Variants in NOTCH3 observed in about 807,000 individuals in gnomAD.
NOTCH3 encodes the protein notch receptor 3.
In NOTCH3, 86 loss-of-function variants were observed where a neutral mutation model predicts 213.3. The ratio of observed to expected loss-of-function variants is 0.40; its 90% CI spans 0.34 to 0.48. The LOEUF (loss-of-function observed/expected upper bound fraction) is 0.48. Ranked by LOEUF, NOTCH3 falls within the 20% of genes least tolerant of loss-of-function variation. NOTCH3 has a pLI of 0.57. For synonymous variants in NOTCH3, 1,354 were observed against 1,355.9 expected, an observed-to-expected ratio of 1.00 and a Z score of 0.03; for missense variants, 2,783 against 3,272.6, an observed-to-expected ratio of 0.85 and a Z score of 3.65.
chr19:15,192,320 G>A (rs2145442733), intron 3 of NOTCH3, 22 bp from the exon 4 acceptor site: 2 of 1,611,758 alleles, frequency 1.2e-6, no homozygotes, highest in South Asian at 1.1e-5. Context: ...AGGACAGGGT[G>A]AGTTTAGGAC....
rs369086257 is a variant in NOTCH3, at chr19:15,179,197, G to C, written c.3546C>G (p.Cys1182Trp). Residue 1182 changes from cysteine (C) to tryptophan (W), a missense_variant, in exon 22 of 33, where the codon TGC (cysteine) becomes TGG (tryptophan). By Grantham distance (215) the Cys-to-Trp change is radical. Coordinates refer to ENST00000263388, the MANE Select transcript of NOTCH3 (RefSeq NM_000435.3). The stretch of plus-strand genomic sequence containing the variant: ...AGCGGAAACCACCCACCAGGTCCAC[G>C]CAGGTGCCATTGTGTAGGCACCGGG... Reference protein sequence around the residue: ...SGPRCLHNGTCVDLVGGFRCT... With the variant: ...SGPRCLHNGTWVDLVGGFRCT... 6.2e-7 allele frequency: 1 copy of C among 1,614,078 alleles called. No homozygotes were observed. Among genetic ancestry groups the C allele is most frequent in the Non-Finnish European group, 8.5e-7 (1 of 1,180,006 alleles).
chr19:15,199,795 C>G (rs906590231), intron 1 of NOTCH3, among the ~76,000 whole-genome samples: 4 of 152,078 alleles, frequency 2.6e-5, no homozygotes, highest in African/African-American at 7.2e-5. Context: ...CGTTCACTCC[C>G]GAAACCCCCA....
chr19:15,166,429 G>T (rs995890647), intron 29 of NOTCH3, among the ~76,000 whole-genome samples: 1 of 152,082 alleles, frequency 6.6e-6, no homozygotes, highest in African/African-American at 2.4e-5. Context: ...TCAAGGCAAA[G>T]AAACCATCCC....
rs2046679645 is a variant in NOTCH3, at chr19:15,165,639, G to A, written c.5668-124C>T. On this transcript the variant is annotated intron_variant, in intron 30 of 32. Transcript: ENST00000263388. The surrounding 1 kb of genome is among the most constrained non-coding windows in gnomAD (Gnocchi z 4.7). ...ACCCCTGAAATTGGTGAGGTTCAGG[G>A]AGCAGCTGCTTGACAGATACTGTAT... 4 of 1,301,850 alleles carry A rather than the reference G, an allele frequency of 3.1e-6. No homozygotes were observed. The highest frequency in any genetic ancestry group is 4.3e-6 in the Non-Finnish European group (4 of 936,592). 80.6% of individuals were successfully genotyped at this position (1,301,850 alleles called of 1,614,324 possible).
chr19:15,197,435 C>A (rs368555468), intron 2 of NOTCH3, 65 bp downstream of exon 2: 4 of 1,105,282 alleles, frequency 3.6e-6, no homozygotes, highest in Admixed American at 1.9e-5. Context: ...AGGGAGAAGA[C>A]AAATCGCCCC....
intron 29 of NOTCH3, 27 bp from the exon 30 acceptor site, chr19:15,166,118 G>A (rs775060391): frequency 1.3e-5 from 21 of 1,599,620 alleles, no homozygotes; most frequent in African/African-American, 4.0e-5. Flanking sequence ...GTGTCAGCAG[G>A]AAGGTAAACA....
At position 15,187,879 on chromosome 19, in the gene NOTCH3, A is replaced by C; in HGVS notation, c.1606+2T>G. ...TGTCGGACTGTCATTGGCCCGCCTC[A>C]CCCTCGGCACAGCGGCACTCGTAGC... is the stretch of plus-strand genomic sequence containing the variant. On this transcript the variant is annotated splice_donor_variant, in intron 10 of 32. Transcript: ENST00000263388. LOFTEE classifies it high-confidence loss of function. 1 of 1,547,206 alleles carries C rather than the reference A, an allele frequency of 6.5e-7. No homozygotes were observed. Among genetic ancestry groups the C allele is most frequent in the Non-Finnish European group, 8.7e-7 (1 of 1,145,740 alleles).
rs2145380592 is a variant in NOTCH3, at chr19:15,160,994, G to A, written c.6634C>T (p.Leu2212=). 6.4e-7 allele frequency: 1 copy of A among 1,554,538 alleles called. No individual in the cohort carries two copies. The highest frequency in any genetic ancestry group is 2.4e-5 in the East Asian group (1 of 42,362). Residue 2212 remains leucine (L), a synonymous_variant, in exon 33 of 33, where the codon CTG becomes TTG. Transcript: ENST00000263388. ...TCCTCGCCATGTCCTGGGACTGCCA[G>A]GTAAGGCGGGGGCCGCTCCTGCGGG... ...VSPQERPPPY[L]AVPGHGEEYP... is the part of the protein sequence containing the mutation.
At chr19:15,198,890 A>T (rs139579491) in intron 1 of NOTCH3, among the ~76,000 whole-genome samples, 18 of 152,184 alleles carry the variant, frequency 1.2e-4, no homozygotes, top group Middle Eastern at 3.4e-3. Context: ...CAGCCTGGCA[A>T]CAGAGTGAGA....
chr19:15,184,995 G>C lies in NOTCH3; in HGVS notation c.2321C>G (p.Pro774Arg), dbSNP rs757980886. The change falls in exon 15 of 33, where the codon CCC (proline) becomes CGC (arginine). Residue 774 changes from proline (P) to arginine (R), a missense_variant. This residue lies in a region of NOTCH3 where 861 missense variants were observed against 909.1 expected (regional missense o/e 0.95). Transcript: ENST00000263388. ...VQGRQCELLS[P>R]CTPNPCEHGG... is the part of the protein sequence containing the mutation. ...ATGCTCACAGGGGTTCGGGGTGCAGGGGGAGAGGAGTTCACACTGACGTCC... is the reference window on the plus strand; with the variant it reads ...ATGCTCACAGGGGTTCGGGGTGCAGCGGGAGAGGAGTTCACACTGACGTCC... 1.2e-5 allele frequency: 18 copies of C among 1,530,358 alleles called. No individual in the cohort carries two copies. Among genetic ancestry groups the C allele is most frequent in the South Asian group, 2.4e-5 (2 of 81,830 alleles). The allele number at this position is 1,530,358 out of a possible 1,614,324, so 94.8% of individuals were successfully genotyped here.
Position 15,191,639 on chromosome 19 carries a change from T to C in NOTCH3, c.821A>G (p.Asp274Gly). The change falls in exon 6 of 33, where the codon GAC becomes GGC. Residue 274 changes from aspartate to glycine, a missense_variant. Physicochemically the swap from Asp to Gly is moderately conservative, Grantham distance 94. Transcript: ENST00000263388. ...GGGCTGCAGCTGACACTCATCCACG[T>C]CCTCCGTGCAGAACTGGCCTGTGGC... Reference protein sequence around the residue: ...PEWTGQFCTEDVDECQLQPNA... With the variant: ...PEWTGQFCTEGVDECQLQPNA... 6.2e-7 allele frequency: 1 copy of C among 1,613,578 alleles called. No homozygotes were observed. The highest frequency in any genetic ancestry group is 2.2e-5 in the East Asian group (1 of 44,868).
chr19:15,184,235 G>T, intron 16 of NOTCH3, 60 bp downstream of exon 16: 1 of 1,528,602 alleles, frequency 6.5e-7, no homozygotes. Flanking sequence ...CAGGCACACA[G>T]TTCAAGCTTA....
chr19:15,172,685 A>G (rs1379225687), intron 25 of NOTCH3, among the ~76,000 whole-genome samples: 1 of 129,814 alleles, frequency 7.7e-6, no homozygotes, highest in Admixed American at 7.9e-5. Flanking sequence ...TTTTTTTTTG[A>G]GACAGAGTCT....
chr19:15,173,907 T>C (rs956706255), intron 25 of NOTCH3, among the ~76,000 whole-genome samples, 161 bp downstream of exon 25: 4 of 152,184 alleles, frequency 2.6e-5, no homozygotes, highest in African/African-American at 9.7e-5. Context: ...CCAGAAGCAC[T>C]AGCTCCATCT....
At chr19:15,175,583 A>G (rs868852041) in intron 24 of NOTCH3, among the ~76,000 whole-genome samples, 2 of 34,158 alleles carry the variant, frequency 5.9e-5, no homozygotes, top group East Asian at 5.6e-4. Context: ...ATGTATATAT[A>G]TGTATATACA....
chr19:15,169,148 T>C (rs1048441582), intron 28 of NOTCH3, among the ~76,000 whole-genome samples: 2 of 151,352 alleles, frequency 1.3e-5, no homozygotes, highest in African/African-American at 4.9e-5. Flanking sequence ...TCCAATAGGA[T>C]TGGTATCCTT....
At position 15,174,101 on chromosome 19, in the gene NOTCH3, C is replaced by T. The variant is rs777488182; in HGVS notation, c.4703G>A (p.Arg1568Gln). The T allele has an allele frequency of 1.9e-6, 3 of 1,592,484 alleles. No homozygotes were observed. The highest frequency in any genetic ancestry group is 2.6e-6 in the Non-Finnish European group (3 of 1,165,432). ...YHRPSPGSEP[R>Q]ARRELAPEVI... ...CTCGGGGGCCAGCTCCCGACGGGCC[C>T]GGGGTTCGGAGCCAGGACTAGGCCG... is the stretch of plus-strand genomic sequence containing the variant. Residue 1568 changes from arginine to glutamine, a missense_variant, in exon 25 of 33, where the codon CGG (arginine) becomes CAG (glutamine). Physicochemically the swap from Arg to Gln is conservative, Grantham distance 43 (BLOSUM62 1). Transcript: ENST00000263388.
At chr19:15,195,855 G>C (rs946274817) in intron 2 of NOTCH3, among the ~76,000 whole-genome samples, 2 of 151,700 alleles carry the variant, frequency 1.3e-5, no homozygotes, top group Non-Finnish European at 1.5e-5. Flanking sequence ...CCGACCGGTC[G>C]GGCCGGTTCC....
Position 15,165,718 on chromosome 19 carries a change from T to G in NOTCH3, c.5667+69A>C. ...AAAAAATGAGTCTGAAAGGCAGAAC[T>G]GGGGCTCAAACCCAGGTAAGTCTAA... On this transcript the variant is annotated intron_variant, in intron 30 of 32. Transcript: ENST00000263388. This position sits in a 1 kb window ranked among gnomAD's most constrained non-coding sequence, Gnocchi z 4.7. The G allele has an allele frequency of 6.4e-7, 1 of 1,559,798 alleles. No homozygotes were observed. The highest frequency in any genetic ancestry group is 8.7e-7 in the Non-Finnish European group (1 of 1,145,564).
Sources: gnomAD v4.1 joint callset for allele counts (sites outside exome capture counted in the v4.1 genomes callset) on GRCh38, gnomAD v4.1.1 for gene constraint, gnomAD v4.1.1 regional missense constraint, Gnocchi (gnomAD v3.1) non-coding constraint, MANE v1.5 for transcripts, NCBI Gene and HGNC (gene_info 2026-07-23, HGNC 2026-07-21) for gene names.